The following CIAO2A variants were observed in gnomAD, a reference collection of about 807,000 sequenced individuals.
CIAO2A encodes the protein MIP18 family protein FAM96A.
A neutral mutation model predicts 22.4 loss-of-function variants in CIAO2A; 17 were observed. The observed-to-expected ratio is 0.76, with a 90% CI of 0.52 to 1.14. The LOEUF (loss-of-function observed/expected upper bound fraction) is 1.14. Among genes scored for constraint, CIAO2A ranks in the 50% most tolerant of loss-of-function variants. The pLI is 0.00. For synonymous variants in CIAO2A, 74 were observed against 72.3 expected (o/e 1.02, Z -0.12); for missense variants, 192 against 191.4 (o/e 1.00, Z -0.02).
At chr15:64,085,249 T>C (rs1180463528) in intron 2 of CIAO2A, among the ~76,000 whole-genome samples, 5 of 152,114 alleles carry the variant, frequency 3.3e-5, no homozygotes, top group Non-Finnish European at 7.4e-5. Context: ...GAATATTTAA[T>C]GATGGCCAGG....
Position 64,072,899 on chromosome 15 carries a change from C to T in CIAO2A, c.*32G>A. 1 of 1,389,902 alleles carries T rather than the reference C, an allele frequency of 7.2e-7. No individual in the cohort carries two copies. The highest frequency in any genetic ancestry group is 1.0e-6 in the Non-Finnish European group (1 of 980,370). 86.1% of individuals were successfully genotyped at this position (1,389,902 alleles called of 1,614,324 possible). The stretch of plus-strand genomic sequence containing the variant: ...AAAGAGTTTAAACAAATATATCAAA[C>T]AATTACAGGCCAGTGGCTCTTAAAA... On this transcript the variant is annotated 3_prime_UTR_variant, in exon 5 of 5. Transcript: ENST00000300030.
chr15:64,077,396 GACTT>G (rs2140106077), intron 3 of CIAO2A, among the ~76,000 whole-genome samples: 1 of 152,304 alleles, frequency 6.6e-6, no homozygotes, highest in African/African-American at 2.4e-5. Flanking sequence ...ACTCTATACT[GACTT>G]ACTTCAGTTT....
At position 64,082,366 on chromosome 15, in the gene CIAO2A, C is replaced by T. The variant is rs1197298289; in HGVS notation, c.290-1215G>A. ...GTCTCGGCCTCCTGAGTAGCTGGGA[C>T]TACAGAAGCACGCTACCACACCCAC... is the stretch of plus-strand genomic sequence containing the variant. On this transcript the variant is annotated intron_variant, in intron 2 of 4. Transcript: ENST00000300030. 3.3e-5 allele frequency among the ~76,000 whole-genome samples: 5 copies of T among 152,040 alleles called. No individual in the cohort carries two copies. The East Asian group carries it at 7.7e-4, about 23-fold the overall frequency.
At chr15:64,080,401 G>A (rs2080751115) in intron 3 of CIAO2A, among the ~76,000 whole-genome samples, 1 of 148,848 alleles carries the variant, frequency 6.7e-6, no homozygotes, top group Non-Finnish European at 1.5e-5. Flanking sequence ...ACAAAAACAA[G>A]GCCAGGCACA....
intron 4 of CIAO2A, chr15:64,073,667 T>C (rs1210653078): frequency 3.3e-5 from 5 of 152,290 alleles, no homozygotes; most frequent in Admixed American, 2.0e-4. Flanking sequence ...AGTGGTGCAA[T>C]CATAGCTCAC....
chr15:64,078,986 A>AGCT (rs1282376958), intron 3 of CIAO2A, among the ~76,000 whole-genome samples: 1 of 151,908 alleles, frequency 6.6e-6, no homozygotes, highest in Non-Finnish European at 1.5e-5. Context: ...AGGTTCAGTG[A>AGCT]GCTGTAATCA....
chr15:64,093,083 T>TGC (rs1424042806), intron 1 of CIAO2A, among the ~76,000 whole-genome samples: 1 of 152,214 alleles, frequency 6.6e-6, no homozygotes, highest in Non-Finnish European at 1.5e-5. Flanking sequence ...TGTGTGTGTG[T>TGC]GCGTTATGTG....
At chr15:64,073,080 A>C (rs765368447) in intron 4 of CIAO2A, 52 bp from the exon 5 acceptor site, 10 of 1,223,970 alleles carry the variant, frequency 8.2e-6, no homozygotes, top group African/African-American at 1.5e-5. Flanking sequence ...AATATACAGC[A>C]CCAGACAGTA....
intron 2 of CIAO2A, among the ~76,000 whole-genome samples, chr15:64,087,468 A>T (rs1240690773): frequency 6.6e-6 from 1 of 151,880 alleles, no homozygotes; most frequent in East Asian, 1.9e-4. Flanking sequence ...ACCTCAAGTG[A>T]TCTACCCACC....
At chr15:64,075,830 A>AT (rs928886278) in intron 3 of CIAO2A, among the ~76,000 whole-genome samples, 124 of 145,030 alleles carry the variant, frequency 8.5e-4, no homozygotes, top group African/African-American at 1.1e-3. Context: ...TTGTATTATT[A>AT]TTTTTTTTTT....
At chr15:64,081,254 C>T in intron 2 of CIAO2A, 103 bp from the exon 3 acceptor site, 1 of 1,046,462 alleles carries the variant, frequency 9.6e-7, no homozygotes, top group Non-Finnish European at 1.4e-6. Context: ...AACACAGTTG[C>T]TGAAAACAGC....
intron 3 of CIAO2A, among the ~76,000 whole-genome samples, chr15:64,079,691 C>T (rs571905100): frequency 7.9e-5 from 12 of 152,200 alleles, no homozygotes; most frequent in Non-Finnish European, 1.5e-4. Flanking sequence ...GAATCATTCA[C>T]GAGCGATAAC....
chr15:64,089,429 C>G (rs552466829), intron 1 of CIAO2A, among the ~76,000 whole-genome samples: 1 of 119,362 alleles, frequency 8.4e-6, no homozygotes, highest in African/African-American at 3.2e-5. Context: ...TCAGGAGGAT[C>G]GCTTGAGCCC....
At chr15:64,081,892 T>C (rs1227467249) in intron 2 of CIAO2A, among the ~76,000 whole-genome samples, 1 of 151,976 alleles carries the variant, frequency 6.6e-6, no homozygotes, top group Non-Finnish European at 1.5e-5. Context: ...CGCAAAAAAA[T>C]AAAACAAGTC....
intron 3 of CIAO2A, 100 bp from the exon 4 acceptor site, chr15:64,075,637 T>G: frequency 3.2e-6 from 2 of 624,432 alleles, no homozygotes; most frequent in Non-Finnish European, 5.3e-6. Flanking sequence ...TAGGGATGAG[T>G]GCCCAAATCC....
intron 2 of CIAO2A, 64 bp from the exon 3 acceptor site, chr15:64,081,215 C>A: frequency 6.6e-7 from 1 of 1,506,660 alleles, no homozygotes; most frequent in Non-Finnish European, 9.2e-7. Flanking sequence ...CTTGAAAAAG[C>A]ATACAACTGC....
intron 2 of CIAO2A, among the ~76,000 whole-genome samples, chr15:64,088,038 T>C (rs2080811542): frequency 6.6e-6 from 1 of 152,256 alleles, no homozygotes; most frequent in South Asian, 2.1e-4. Flanking sequence ...AGTATTCCAC[T>C]GTTTATATTC....
chr15:64,093,620 T>C (rs1375253412), intron 1 of CIAO2A, 25 bp downstream of exon 1: 3 of 1,602,086 alleles, frequency 1.9e-6, no homozygotes, highest in African/African-American at 2.7e-5. Context: ...TAACGCCAAA[T>C]GCTGTGCTGG....
Position 64,083,795 on chromosome 15 carries a change from T to C in CIAO2A, c.290-2644A>G, listed in dbSNP as rs148865990. 1.3e-4 allele frequency among the ~76,000 whole-genome samples: 20 copies of C among 151,802 alleles called. No individual in the cohort carries two copies. The East Asian group carries it at 3.7e-3, about 28-fold the overall frequency. On this transcript the variant is annotated intron_variant, in intron 2 of 4. Transcript: ENST00000300030. ...CCGTCTCTATTGAAAATACAAAAAA[T>C]TAGTTGGGCATGGTGGCACGCGCCT...
Sources: gnomAD v4.1 joint callset for allele counts (sites outside exome capture counted in the v4.1 genomes callset) on GRCh38, gnomAD v4.1.1 for gene constraint, MANE v1.5 for transcripts, NCBI Gene and HGNC (gene_info 2026-07-23, HGNC 2026-07-21) for gene names.